HELLS: variants seen among roughly 807,000 people sequenced by gnomAD.
HELLS encodes the protein lymphoid-specific helicase.
A neutral mutation model predicts 120.0 loss-of-function variants in HELLS; 32 were observed. That is an observed-to-expected ratio of 0.27 (90% CI 0.20 to 0.36). The LOEUF (loss-of-function observed/expected upper bound fraction) is 0.36. HELLS is among the 10% of genes least tolerant of loss of function. The probability of loss-of-function intolerance (pLI) is 1.00; values close to 1 mark genes in which losing one functional copy is unlikely to be tolerated. For missense variants in HELLS, 650 were observed against 993.4 expected (o/e 0.65, Z 4.65); for synonymous variants, 341 against 323.4 (o/e 1.05, Z -0.58).
chr10:94,571,920 C>T (rs1844194196), intron 7 of HELLS, among the ~76,000 whole-genome samples: 2 of 152,122 alleles, frequency 1.3e-5, no homozygotes, highest in Non-Finnish European at 2.9e-5. Flanking sequence ...CTTAAAATTA[C>T]AAGGTTGCCT....
At chr10:94,575,755 G>GC (rs1844416969) in intron 9 of HELLS, among the ~76,000 whole-genome samples, 1 of 986 alleles carries the variant, frequency 1.0e-3, no homozygotes, top group Admixed American at 0.056. Flanking sequence ...GTTTTTTGTT[G>GC]GGGGGGGGGT....
downstream of HELLS, among the ~76,000 whole-genome samples, chr10:94,605,587 A>C (rs941430919): frequency 4.6e-5 from 7 of 151,358 alleles, no homozygotes; most frequent in Non-Finnish European, 8.8e-5. Flanking sequence ...AGAATTTCGA[A>C]AGTTGTTGTG....
chr10:94,553,801 G>A (rs896338361), intron 2 of HELLS, among the ~76,000 whole-genome samples: 38 of 152,030 alleles, frequency 2.5e-4, no homozygotes, highest in African/African-American at 8.0e-4. Flanking sequence ...GCCTGCTTTG[G>A]CCTCCCAAAG....
At chr10:94,603,070 C>T (rs181261868), downstream of HELLS, among the ~76,000 whole-genome samples, 13 of 152,338 alleles carry the variant, frequency 8.5e-5, no homozygotes, top group Non-Finnish European at 1.8e-4. Flanking sequence ...CATCTGTAAA[C>T]CTAGCATCTG....
chr10:94,611,334 AAG>A (rs1186932929), exon 10 of HELLS: 11 of 151,728 alleles, frequency 7.2e-5, no homozygotes, highest in Admixed American at 4.6e-4. Context: ...TGGTAAGTGA[AAG>A]AGTGTACATA....
In HELLS at chr10:94,571,446, G is replaced by A. The variant is rs767330951; in HGVS notation, c.477+17G>A. On this transcript the variant is annotated intron_variant, in intron 7 of 21. Coordinates refer to ENST00000348459, the MANE Select transcript of HELLS (RefSeq NM_018063.5). ...GAGAATGAGGTAAGAAATTTATAAT[G>A]TAAGATTAAGTTTAGAAGTCATATT... 2 of 1,482,038 alleles carry A rather than the reference G, an allele frequency of 1.3e-6. No homozygotes were observed. Among genetic ancestry groups the A allele is most frequent in the East Asian group, 4.7e-5 (2 of 42,682 alleles). The allele number at this position is 1,482,038 out of a possible 1,614,324, so 91.8% of individuals were successfully genotyped here. A position where few individuals can be genotyped will look rare whatever the true frequency, so the allele number is the denominator to read the frequency against.
intron 6 of HELLS, chr10:94,570,685 G>A (rs944582734): frequency 1.1e-4 from 17 of 151,650 alleles, no homozygotes; most frequent in African/African-American, 3.9e-4. Flanking sequence ...TGACATACTC[G>A]GGTATTGTTT....
At position 94,607,256 on chromosome 10, in the gene HELLS, C is replaced by T. The variant is rs540453601; in HGVS notation, c.818-654C>T. Among the ~76,000 whole-genome samples, 60 of 152,196 alleles carry T rather than the reference C, an allele frequency of 3.9e-4. No homozygotes were observed. In the South Asian group the frequency reaches 0.012, roughly 30 times the overall value. On this transcript the variant is annotated intron_variant, in intron 8 of 9. Coordinates refer to the HELLS transcript ENST00000371327. Reference sequence around the variant, plus strand: ...CTTCTGGGTTTTTTAGTGAAAACCTCTATCTAACACTGATACTTTCATTTC... The same window carrying T: ...CTTCTGGGTTTTTTAGTGAAAACCTTTATCTAACACTGATACTTTCATTTC...
chr10:94,588,936 C>A (rs896696471), intron 13 of HELLS, among the ~76,000 whole-genome samples: 1 of 152,096 alleles, frequency 6.6e-6, no homozygotes, highest in African/African-American at 2.4e-5. Flanking sequence ...CACCTGAGGT[C>A]GGGAATTTGA....
chr10:94,599,410 G>C (rs1845917923), intron 21 of HELLS, among the ~76,000 whole-genome samples: 1 of 152,194 alleles, frequency 6.6e-6, no homozygotes, highest in South Asian at 2.1e-4. Flanking sequence ...CTGGAGTTCA[G>C]TGGTGTGATC....
intron 10 of HELLS, 124 bp from the exon 11 acceptor site, chr10:94,581,202 C>T (rs569974192): frequency 8.9e-6 from 5 of 562,786 alleles, no homozygotes; most frequent in Non-Finnish European, 1.5e-5. Flanking sequence ...TCAGTAGTTA[C>T]TGAAATTACA....
chr10:94,572,221 T>A (rs922890708), intron 7 of HELLS, among the ~76,000 whole-genome samples: 1 of 152,188 alleles, frequency 6.6e-6, no homozygotes, highest in Non-Finnish European at 1.5e-5. Context: ...AAAGTCTAGA[T>A]GTAATCTTCT....
At position 94,581,425 on chromosome 10, in the gene HELLS, A is replaced by G; in HGVS notation, c.1132A>G (p.Lys378Glu). The G allele has an allele frequency of 6.2e-7, 1 of 1,613,282 alleles. No individual in the cohort carries two copies. Reference protein sequence around the residue: ...RELKRFNADNKLLLTGTPLQN... With the variant: ...RELKRFNADNELLLTGTPLQN... Reference sequence around the variant, plus strand: ...GTTAAAACGATTCAATGCTGATAACAAACTTCTTTTGACTGGTACTCCCTT... The same window carrying G: ...GTTAAAACGATTCAATGCTGATAACGAACTTCTTTTGACTGGTACTCCCTT... The change falls in exon 11 of 22, where the codon AAA (lysine) becomes GAA (glutamate). Residue 378 changes from lysine (K) to glutamate (E), a missense_variant. By Grantham distance (56) the Lys-to-Glu change is moderately conservative. Transcript: ENST00000348459.
At chr10:94,579,193 A>G (rs1303380564) in intron 10 of HELLS, among the ~76,000 whole-genome samples, 1 of 136,008 alleles carries the variant, frequency 7.4e-6, no homozygotes, top group African/African-American at 2.8e-5. Flanking sequence ...GAGAACTACT[A>G]CTTTTTTCTT....
chr10:94,564,777 T>A lies in HELLS; in HGVS notation c.435+1901T>A, dbSNP rs190695027. 1.4e-3 allele frequency among the ~76,000 whole-genome samples: 212 copies of A among 152,194 alleles called. 1 individual carries two copies. Among genetic ancestry groups the A allele is most frequent in the African/African-American group, 4.9e-3 (204 of 41,550 alleles). ...TACAGGTACCTATTTGTATTTTTAG[T>A]AGAGACAGGGTTTTGCCATGTTGGC... On this transcript the variant is annotated intron_variant, in intron 6 of 21. Transcript: ENST00000348459.
Position 94,556,714 on chromosome 10 carries a change from T to C in HELLS, c.277-1425T>C, listed in dbSNP as rs115794909. On this transcript the variant is annotated intron_variant, in intron 3 of 21. Transcript: ENST00000348459. ...GTGATGGGTTCTTTTAGCTTTCATATGTCTGAATGTCTTCACTTACCTTCA... is the reference window on the plus strand; with the variant it reads ...GTGATGGGTTCTTTTAGCTTTCATACGTCTGAATGTCTTCACTTACCTTCA... Among the ~76,000 whole-genome samples the C allele has an allele frequency of 4.6e-3, 705 of 152,368 alleles. 5 individuals are homozygous for C. The highest frequency in any genetic ancestry group is 0.016 in the African/African-American group (676 of 41,592).
downstream of HELLS, among the ~76,000 whole-genome samples, chr10:94,604,206 C>T (rs1423398711): frequency 1.0e-4 from 15 of 150,094 alleles, no homozygotes. Flanking sequence ...CTCACTGCAA[C>T]ATCTGCCCCC....
intron 6 of HELLS, among the ~76,000 whole-genome samples, chr10:94,567,507 AG>A (rs1470137623): frequency 6.6e-6 from 1 of 152,134 alleles, no homozygotes; most frequent in Non-Finnish European, 1.5e-5. Flanking sequence ...CATGTTGGTC[AG>A]GCTGGTCTCG....
chr10:94,586,110 T>A (rs56327671), intron 12 of HELLS, among the ~76,000 whole-genome samples: 2,001 of 150,618 alleles, frequency 0.013, 58 homozygotes, highest in African/African-American at 0.043. Context: ...ATGTTTTTTT[T>A]AATTTTATTT....
Sources: gnomAD v4.1 joint callset for allele counts (sites outside exome capture counted in the v4.1 genomes callset) on GRCh38, gnomAD v4.1.1 for gene constraint, MANE v1.5 for transcripts, NCBI Gene and HGNC (gene_info 2026-07-23, HGNC 2026-07-21) for gene names.